Variants in SLCO4A1 observed in about 807,000 individuals in gnomAD.
SLCO4A1 encodes the protein colon organic anion transporter.
In SLCO4A1, 51 loss-of-function variants were observed where a neutral mutation model predicts 64.6. The ratio of observed to expected loss-of-function variants is 0.79; its 90% CI spans 0.63 to 1.00. The LOEUF (loss-of-function observed/expected upper bound fraction) is 1.00. Among genes scored for constraint, SLCO4A1 ranks in the 50% least tolerant of loss-of-function variants. The probability of loss-of-function intolerance (pLI) is 0.00; values close to 1 mark genes in which losing one functional copy is unlikely to be tolerated. For missense variants in SLCO4A1, 919 were observed against 980.5 expected (o/e 0.94, Z 0.84); for synonymous variants, 471 against 444.9 (o/e 1.06, Z -0.74).
At chr20:62,666,272 C>T in intron 6 of SLCO4A1, 108 bp from the exon 7 acceptor site, 1 of 916,874 alleles carries the variant, frequency 1.1e-6, no homozygotes, top group East Asian at 2.5e-5. Flanking sequence ...GAATTGATCC[C>T]TCTATGCCTC....
chr20:62,681,393 C>G (rs572408635), intron 2 of SLCO4A1, among the ~76,000 whole-genome samples: 1 of 152,316 alleles, frequency 6.6e-6, no homozygotes, highest in South Asian at 2.1e-4. Flanking sequence ...GTGTATTAAG[C>G]CGTGTCACTT....
At chr20:62,663,181 C>T (rs1335587777) in intron 5 of SLCO4A1, 3 of 152,244 alleles carry the variant, frequency 2.0e-5, no homozygotes, top group African/African-American at 4.8e-5. Flanking sequence ...CTGACGCCAA[C>T]ATCAGCTCTG....
chr20:62,675,267 G>A (rs892022217), downstream of SLCO4A1, among the ~76,000 whole-genome samples: 7 of 152,186 alleles, frequency 4.6e-5, no homozygotes, highest in Non-Finnish European at 1.0e-4. Context: ...CCTGCCGGCA[G>A]TGAGACTTCG....
chr20:62,665,191 G>A, intron 6 of SLCO4A1, 103 bp downstream of exon 6: 3 of 1,313,094 alleles, frequency 2.3e-6, no homozygotes, highest in African/African-American at 2.9e-5. Flanking sequence ...GCACATGGCA[G>A]TGAGTGCCCT....
chr20:62,679,437 C>T (rs1039830665), intron 2 of SLCO4A1, among the ~76,000 whole-genome samples: 1 of 151,930 alleles, frequency 6.6e-6, no homozygotes, highest in African/African-American at 2.4e-5. Context: ...TCATGGCTGA[C>T]TGCAGCCTTG....
At chr20:62,670,017 C>G (rs1987002040) in intron 11 of SLCO4A1, 1 of 152,254 alleles carries the variant, frequency 6.6e-6, no homozygotes, top group Non-Finnish European at 1.5e-5. Flanking sequence ...GCAAACAGTT[C>G]ATAACCTTTA....
At chr20:62,688,325 C>T (rs1422358226), downstream of SLCO4A1, among the ~76,000 whole-genome samples, 13 of 152,120 alleles carry the variant, frequency 8.5e-5, no homozygotes, top group Admixed American at 1.3e-4. Context: ...GAGGCTGCCC[C>T]CTACACCACT....
chr20:62,675,658 G>A (rs1281357854), downstream of SLCO4A1, among the ~76,000 whole-genome samples: 1 of 152,198 alleles, frequency 6.6e-6, no homozygotes. Flanking sequence ...GTGGCTCCTG[G>A]CCCTGCCACA....
downstream of SLCO4A1, among the ~76,000 whole-genome samples, chr20:62,687,779 G>A (rs117128716): frequency 0.033 from 5,064 of 152,256 alleles, 155 homozygotes; most frequent in South Asian, 0.11. Context: ...GTCCCATGTC[G>A]TCAGCGTGGC....
chr20:62,660,919 C>T (rs577347696), intron 4 of SLCO4A1, 145 bp from the exon 5 acceptor site: 46 of 633,634 alleles, frequency 7.3e-5, no homozygotes, highest in East Asian at 1.9e-4. Flanking sequence ...GCCGCCTCCC[C>T]GGGGCTGCGA....
rs144608023 is a variant in SLCO4A1, at chr20:62,667,600, G to A, written c.1473-145G>A. On this transcript the variant is annotated intron_variant, in intron 7 of 11. Transcript: ENST00000217159. ...GCAGTGCCCAGTGTGAGTGCCCAGC[G>A]TGCTGGGGGCGGTGCAAGCTTGGCA... is the stretch of plus-strand genomic sequence containing the variant. 1,270 of 911,788 alleles carry A rather than the reference G, an allele frequency of 1.4e-3. 10 individuals are homozygous for A. The African/African-American group carries it at 0.018, about 13-fold the overall frequency. 56.5% of individuals were successfully genotyped at this position (911,788 alleles called of 1,614,324 possible).
chr20:62,660,959 C>T (rs1984674693), intron 4 of SLCO4A1, 105 bp from the exon 5 acceptor site: 2 of 789,590 alleles, frequency 2.5e-6, no homozygotes, highest in Admixed American at 2.3e-5. Context: ...CAGTGACGTT[C>T]CCAGACCGGG....
intron 3 of SLCO4A1, among the ~76,000 whole-genome samples, chr20:62,660,096 G>A (rs1342629463): frequency 6.6e-6 from 1 of 152,198 alleles, no homozygotes; most frequent in Admixed American, 6.5e-5. Flanking sequence ...CTGTTGCCTG[G>A]AGAGGCTGCT....
downstream of SLCO4A1, among the ~76,000 whole-genome samples, chr20:62,689,727 C>T (rs1163450665): frequency 6.6e-6 from 1 of 152,228 alleles, no homozygotes; most frequent in Non-Finnish European, 1.5e-5. Context: ...TAATAACTTG[C>T]GGGGGCTCAG....
At chr20:62,674,506 C>T (rs1045898301), downstream of SLCO4A1, among the ~76,000 whole-genome samples, 5 of 152,230 alleles carry the variant, frequency 3.3e-5, no homozygotes, top group African/African-American at 1.2e-4. Flanking sequence ...AGGGAGGCGG[C>T]ACACGCGGTC....
downstream of SLCO4A1, among the ~76,000 whole-genome samples, chr20:62,690,412 C>G (rs893231952): frequency 6.6e-6 from 1 of 152,194 alleles, no homozygotes; most frequent in Non-Finnish European, 1.5e-5. Context: ...TCTGCAGGAG[C>G]CCCGGGAATC....
At chr20:62,686,457 A>C (rs1799763893), downstream of SLCO4A1, among the ~76,000 whole-genome samples, 2 of 152,096 alleles carry the variant, frequency 1.3e-5, no homozygotes, top group Admixed American at 6.5e-5. Context: ...CCGGGGACAG[A>C]GTGAGAAGAC....
intron 11 of SLCO4A1, among the ~76,000 whole-genome samples, chr20:62,671,507 C>T (rs1041041455): frequency 6.6e-6 from 1 of 152,202 alleles, no homozygotes; most frequent in Non-Finnish European, 1.5e-5. Context: ...CCATGACAAG[C>T]CCCTCAGTCC....
intron 2 of SLCO4A1, among the ~76,000 whole-genome samples, chr20:62,682,992 C>G (rs1354110013): frequency 6.6e-6 from 1 of 152,232 alleles, no homozygotes; most frequent in Non-Finnish European, 1.5e-5. Flanking sequence ...GCGGATGGAC[C>G]CTGAAGCTGC....
Sources: allele counts gnomAD v4.1 joint callset (sites outside exome capture counted in the v4.1 genomes callset), GRCh38; gene constraint gnomAD v4.1.1; transcripts MANE v1.5; gene names NCBI Gene and HGNC (gene_info 2026-07-23, HGNC 2026-07-21).